Variants in CCBE1 observed in about 807,000 individuals in gnomAD.
CCBE1 encodes the protein collagen and calcium-binding EGF domain-containing protein 1.
In CCBE1, 37 loss-of-function variants were observed where a neutral mutation model predicts 50.0. The ratio of observed to expected loss-of-function variants is 0.74; its 90% CI spans 0.57 to 0.97. The LOEUF (loss-of-function observed/expected upper bound fraction) is 0.97. CCBE1 is among the 50% of genes least tolerant of loss of function. The pLI, the probability that CCBE1 is intolerant of heterozygous loss-of-function variation, is 0.00. For synonymous variants in CCBE1, 234 were observed against 203.7 expected, an observed-to-expected ratio of 1.15 and a Z score of -1.27; for missense variants, 538 against 523.8, an observed-to-expected ratio of 1.03 and a Z score of -0.26.
intron 2 of CCBE1, among the ~76,000 whole-genome samples, chr18:59,607,019 G>A (rs894627645): frequency 5.0e-5 from 7 of 139,914 alleles, no homozygotes; most frequent in East Asian, 2.1e-4. Flanking sequence ...CCTAGAGTAC[G>A]ACAGAGTAGG....
At position 59,432,755 on chromosome 18, in the gene CCBE1, C is replaced by T. The variant is rs967938672; in HGVS notation, c.*3153G>A. On this transcript the variant is annotated 3_prime_UTR_variant, in exon 11 of 11. Coordinates refer to ENST00000439986, the MANE Select transcript of CCBE1 (RefSeq NM_133459.4). ...GTTTCATGAAACCCAGACAATACTA[C>T]TTTCCATTAATTCTTTTAATATATT... 6.6e-6 allele frequency: 1 copy of T among 152,146 alleles called. No individual in the cohort carries two copies. The highest frequency in any genetic ancestry group is 1.5e-5 in the Non-Finnish European group (1 of 68,026). 9.4% of individuals were successfully genotyped at this position (152,146 alleles called of 1,614,324 possible).
intron 5 of CCBE1, among the ~76,000 whole-genome samples, chr18:59,457,038 T>C (rs530244411): frequency 1.8e-4 from 28 of 152,346 alleles, no homozygotes; most frequent in African/African-American, 6.5e-4. Context: ...AGTGTAATTG[T>C]TGAATATACA....
chr18:59,527,261 C>A (rs1914863958), intron 2 of CCBE1, among the ~76,000 whole-genome samples: 1 of 152,070 alleles, frequency 6.6e-6, no homozygotes, highest in Non-Finnish European at 1.5e-5. Flanking sequence ...TGCCCTTTGT[C>A]TTTTTTTCTT....
chr18:59,518,208 G>T (rs1316076413), intron 2 of CCBE1, among the ~76,000 whole-genome samples: 1 of 152,182 alleles, frequency 6.6e-6, no homozygotes, highest in Non-Finnish European at 1.5e-5. Flanking sequence ...AACAAAGCTG[G>T]CTGGGCACAG....
intron 2 of CCBE1, among the ~76,000 whole-genome samples, chr18:59,669,839 A>G (rs1482707248): frequency 6.6e-6 from 1 of 152,216 alleles, no homozygotes; most frequent in African/African-American, 2.4e-5. Flanking sequence ...TCTGGCTTGC[A>G]TTTCCATGGG....
chr18:59,490,075 C>T (rs796304831), intron 2 of CCBE1, among the ~76,000 whole-genome samples: 43 of 151,110 alleles, frequency 2.8e-4, no homozygotes, highest in African/African-American at 9.3e-4. Context: ...CAACCTCCAC[C>T]TCCCAGGTTC....
At chr18:59,517,956 T>G (rs1914444438) in intron 2 of CCBE1, among the ~76,000 whole-genome samples, 1 of 152,216 alleles carries the variant, frequency 6.6e-6, no homozygotes, top group Non-Finnish European at 1.5e-5. Flanking sequence ...AGGGGTGTGC[T>G]GTCTCCTATG....
At chr18:59,519,853 G>T (rs946980511) in intron 2 of CCBE1, among the ~76,000 whole-genome samples, 2 of 152,174 alleles carry the variant, frequency 1.3e-5, no homozygotes, top group African/African-American at 4.8e-5. Flanking sequence ...TTTGTATAAG[G>T]TGTAAGGAAG....
intron 2 of CCBE1, among the ~76,000 whole-genome samples, chr18:59,690,471 G>A (rs1291338469): frequency 6.6e-6 from 1 of 152,214 alleles, no homozygotes; most frequent in African/African-American, 2.4e-5. Flanking sequence ...GTCCTGCTGA[G>A]CAGGAGAACA....
chr18:59,642,437 C>T lies in CCBE1; in HGVS notation c.212+54192G>A, dbSNP rs150051486. ...AGTTCTCCAGCAAAATCAAACATCC[C>T]CCCTCCATGACTGTGTAGGTCCCTC... On this transcript the variant is annotated intron_variant, in intron 2 of 10. Transcript: ENST00000439986. Among the ~76,000 whole-genome samples the T allele has an allele frequency of 9.3e-3, 1,418 of 152,252 alleles. 16 individuals carry two copies. Among genetic ancestry groups the T allele is most frequent in the African/African-American group, 0.032 (1,342 of 41,534 alleles).
At chr18:59,614,074 C>T (rs539462505) in intron 2 of CCBE1, among the ~76,000 whole-genome samples, 2 of 152,174 alleles carry the variant, frequency 1.3e-5, no homozygotes, top group African/African-American at 2.4e-5. Flanking sequence ...AGTGCGATCT[C>T]GTCTAACTGC....
At chr18:59,550,835 C>G (rs966031531) in intron 2 of CCBE1, among the ~76,000 whole-genome samples, 1 of 151,408 alleles carries the variant, frequency 6.6e-6, no homozygotes, top group Non-Finnish European at 1.5e-5. Context: ...AAAACCCAGT[C>G]TCTACTAAAA....
At chr18:59,519,867 T>G (rs1914526083) in intron 2 of CCBE1, among the ~76,000 whole-genome samples, 1 of 152,076 alleles carries the variant, frequency 6.6e-6, no homozygotes, top group Non-Finnish European at 1.5e-5. Flanking sequence ...AAGGAAGGGG[T>G]TCAGTTTCAG....
chr18:59,602,341 T>A (rs1482987643), intron 2 of CCBE1, among the ~76,000 whole-genome samples: 1 of 152,120 alleles, frequency 6.6e-6, no homozygotes, highest in Admixed American at 6.5e-5. Flanking sequence ...CATGAAGTTA[T>A]ACACACTATT....
intron 2 of CCBE1, among the ~76,000 whole-genome samples, chr18:59,636,118 A>T: frequency 6.6e-6 from 1 of 151,786 alleles, no homozygotes; most frequent in East Asian, 1.9e-4. Context: ...ATGCCAACAC[A>T]CTCCAGCCTG....
intron 2 of CCBE1, among the ~76,000 whole-genome samples, chr18:59,653,661 G>C (rs1422237566): frequency 6.6e-6 from 1 of 152,168 alleles, no homozygotes; most frequent in African/African-American, 2.4e-5. Context: ...CAACATTGAT[G>C]CTGCTCTATG....
At chr18:59,652,921 A>G (rs1050684118) in intron 2 of CCBE1, among the ~76,000 whole-genome samples, 2 of 151,638 alleles carry the variant, frequency 1.3e-5, no homozygotes, top group African/African-American at 4.8e-5. Flanking sequence ...CCGAGAACGC[A>G]CCACTGCACT....
chr18:59,630,053 G>A (rs999139402), intron 2 of CCBE1, among the ~76,000 whole-genome samples: 1 of 152,142 alleles, frequency 6.6e-6, no homozygotes, highest in Non-Finnish European at 1.5e-5. Flanking sequence ...CACTCTACTG[G>A]CTCGCCAAGA....
chr18:59,489,958 A>G (rs1913013357), intron 2 of CCBE1, among the ~76,000 whole-genome samples: 1 of 150,644 alleles, frequency 6.6e-6, no homozygotes, highest in South Asian at 2.1e-4. Flanking sequence ...ATTATATTGT[A>G]TATGTATATA....
Sources: allele counts gnomAD v4.1 joint callset (sites outside exome capture counted in the v4.1 genomes callset), GRCh38; gene constraint gnomAD v4.1.1; transcripts MANE v1.5; gene names NCBI Gene and HGNC (gene_info 2026-07-23, HGNC 2026-07-21).